Variants in ANKS3 observed in about 807,000 individuals in gnomAD.
ANKS3 encodes the protein ankyrin repeat and sterile alpha motif domain containing 3.
Under a neutral mutation model 80.7 loss-of-function variants are expected in ANKS3, and 62 were observed. The ratio of observed to expected loss-of-function variants is 0.77; its 90% CI spans 0.63 to 0.95. ANKS3 has a LOEUF of 0.95. ANKS3 is among the 40% of genes least tolerant of loss of function. ANKS3 has a pLI of 0.00. For synonymous variants in ANKS3, 489 were observed against 355.3 expected (o/e 1.38, Z -4.23); for missense variants, 1,150 against 883.6 (o/e 1.30, Z -3.82).
intron 6 of ANKS3, among the ~76,000 whole-genome samples, chr16:4,716,156 T>G (rs1212632511): frequency 6.6e-6 from 1 of 151,362 alleles, no homozygotes; most frequent in Non-Finnish European, 1.5e-5. Flanking sequence ...AGGAGTTCCA[T>G]ACCAGCCTGG....
chr16:4,697,314 C>T lies in ANKS3; in HGVS notation c.1894+19G>A. 2 of 1,588,396 alleles carry T rather than the reference C, an allele frequency of 1.3e-6. No homozygotes were observed. Among genetic ancestry groups the T allele is most frequent in the Non-Finnish European group, 1.7e-6 (2 of 1,164,710 alleles). ...GGAAACAAAAGGAGCGCTCAGTCGTCTGGTCCCCGGAGACTCACCCATCTC... is the reference window on the plus strand; with the variant it reads ...GGAAACAAAAGGAGCGCTCAGTCGTTTGGTCCCCGGAGACTCACCCATCTC... On this transcript the variant is annotated intron_variant, in intron 16 of 17. Transcript: ENST00000304283.
chr16:4,698,608 G>C lies in ANKS3; in HGVS notation c.1552-9C>G. The C allele has an allele frequency of 1.3e-6, 2 of 1,549,070 alleles. No individual in the cohort carries two copies. Among genetic ancestry groups the C allele is most frequent in the Admixed American group, 1.9e-5 (1 of 53,866 alleles). ...TCTACCTCCTCGCAGCGCTGCAGGG[G>C]GGTGGGGGGCGCGGGGAGGCTGGGA... On this transcript the variant is annotated splice_polypyrimidine_tract_variant and intron_variant, in intron 13 of 17. Transcript: ENST00000304283.
At chr16:4,710,333 A>G (rs1178411372) in intron 7 of ANKS3, among the ~76,000 whole-genome samples, 1 of 152,262 alleles carries the variant, frequency 6.6e-6, no homozygotes, top group Non-Finnish European at 1.5e-5. Flanking sequence ...TTTGATCATT[A>G]CACAGTGTAT....
At chr16:4,697,134 G>C (rs200743136) in intron 16 of ANKS3, 30 bp from the exon 17 acceptor site, 1 of 1,608,018 alleles carries the variant, frequency 6.2e-7, no homozygotes, top group Non-Finnish European at 8.5e-7. Context: ...AGCCTCTCCC[G>C]GCCAGGCTCA....
At chr16:4,709,331 G>A (rs1449245421) in intron 7 of ANKS3, among the ~76,000 whole-genome samples, 5 of 151,702 alleles carry the variant, frequency 3.3e-5, no homozygotes, top group Admixed American at 1.3e-4. Flanking sequence ...GCTTGAACCC[G>A]GGAGGTGGAG....
intron 6 of ANKS3, among the ~76,000 whole-genome samples, chr16:4,719,335 A>G (rs1004775216): frequency 1.3e-5 from 2 of 152,204 alleles, no homozygotes; most frequent in African/African-American, 2.4e-5. Context: ...TCTGTCTCAA[A>G]AAGAAACAAA....
chr16:4,701,490 C>CGCTGCT lies in ANKS3; in HGVS notation c.1057_1062dup (p.Ser353_Ser354dup). ...AGCCCCTGGGCTCTGGCCAGGCCCT[C>CGCTGCT]GCTGCTGCTGCTGCTCTGGACGGGC... On this transcript the variant is annotated inframe_insertion, in exon 10 of 18. Transcript: ENST00000304283. 1.2e-6 allele frequency: 2 copies of CGCTGCT among 1,612,044 alleles called. No individual in the cohort carries two copies.
Position 4,705,101 on chromosome 16 carries a change from G to A in ANKS3, c.862C>T (p.Arg288Cys), listed in dbSNP as rs375811771. 3.1e-6 allele frequency: 5 copies of A among 1,612,232 alleles called. No homozygotes were observed. Among genetic ancestry groups the A allele is most frequent in the Admixed American group, 3.3e-5 (2 of 59,958 alleles). Residue 288 changes from arginine to cysteine, a missense_variant, in exon 8 of 18, where the codon CGC (arginine) becomes TGC (cysteine). By Grantham distance (180) the Arg-to-Cys change is radical. Coordinates refer to ENST00000304283, the MANE Select transcript of ANKS3 (RefSeq NM_133450.4). ...GGAAACGCGGGCCACTCACCATAGC[G>A]AGGCCGTGGGGCTCTGCCGCCCAGG... is the stretch of plus-strand genomic sequence containing the variant. ...IGLGGRAPRP[R>C]YEQAPPRGYV...
intron 7 of ANKS3, among the ~76,000 whole-genome samples, chr16:4,710,850 G>T (rs113332370): frequency 0.017 from 2,628 of 152,292 alleles, 78 homozygotes; most frequent in African/African-American, 0.061. Context: ...CCAAGCTGGA[G>T]TGCAGTGGCG....
rs147502184 is a variant in ANKS3, at chr16:4,701,034, T to C, written c.1220A>G (p.Asp407Gly). The C allele has an allele frequency of 7.4e-4, 1,191 of 1,614,112 alleles. 9 individuals carry two copies. In the African/African-American group the frequency reaches 0.014, roughly 19 times the overall value. Residue 407 changes from aspartate (D) to glycine (G), a missense_variant, in exon 11 of 18, where the codon GAC (aspartate) becomes GGC (glycine). By Grantham distance (94) the Asp-to-Gly change is moderately conservative (BLOSUM62 -1). Transcript: ENST00000304283. ...DSQWPPRAAT[D>G]REGFLAESSP... is the part of the protein sequence containing the mutation. ...GGACTCAGCGAGAAAGCCTTCCCTG[T>C]CAGTTGCAGCGCGGGGAGGCCACTG...
At chr16:4,720,086 T>G (rs1280961963) in intron 6 of ANKS3, among the ~76,000 whole-genome samples, 4 of 137,294 alleles carry the variant, frequency 2.9e-5, no homozygotes, top group African/African-American at 8.3e-5. Flanking sequence ...TGCTTGAGCC[T>G]GGGAGTCAGA....
At chr16:4,713,366 C>G (rs1408753950) in intron 7 of ANKS3, among the ~76,000 whole-genome samples, 2 of 151,990 alleles carry the variant, frequency 1.3e-5, no homozygotes, top group Non-Finnish European at 1.5e-5. Context: ...GACTTATTCA[C>G]GTATCCAACC....
chr16:4,716,963 G>A (rs2080835996), intron 6 of ANKS3, among the ~76,000 whole-genome samples: 1 of 152,052 alleles, frequency 6.6e-6, no homozygotes, highest in Non-Finnish European at 1.5e-5. Flanking sequence ...TGGGCACGGT[G>A]GCTCAAGCCT....
intron 6 of ANKS3, among the ~76,000 whole-genome samples, chr16:4,720,760 C>G (rs925925478): frequency 6.7e-6 from 1 of 149,694 alleles, no homozygotes; most frequent in Admixed American, 6.7e-5. Context: ...ACCAACATGC[C>G]GAAACCCTGT....
intron 6 of ANKS3, among the ~76,000 whole-genome samples, chr16:4,720,034 C>T (rs1370563514): frequency 1.4e-5 from 2 of 148,102 alleles, no homozygotes; most frequent in African/African-American, 4.9e-5. Flanking sequence ...TGGTGGCACA[C>T]ACCTGGAATC....
Position 4,734,130 on chromosome 16 carries a change from TG to T in ANKS3, c.-264del. On this transcript the variant is annotated 5_prime_UTR_variant, in exon 1 of 18. Coordinates refer to ENST00000304283, the MANE Select transcript of ANKS3 (RefSeq NM_133450.4). Reference sequence around the variant, plus strand: ...GCGGGCTGCAGGTGCCGGCAAGTGCTGGGGCCGGGCCGCCGCGGAACCCACC... The same window carrying T: ...GCGGGCTGCAGGTGCCGGCAAGTGCTGGGCCGGGCCGCCGCGGAACCCACC... The T allele has an allele frequency of 1.4e-6, 1 of 711,412 alleles. No homozygotes were observed. The highest frequency in any genetic ancestry group is 1.7e-6 in the Non-Finnish European group (1 of 579,638). 44.1% of individuals were successfully genotyped at this position (711,412 alleles called of 1,614,324 possible). A position where few individuals can be genotyped will look rare whatever the true frequency, so the allele number is the denominator to read the frequency against.
chr16:4,707,218 C>T (rs1429587500), intron 7 of ANKS3, among the ~76,000 whole-genome samples: 3 of 151,838 alleles, frequency 2.0e-5, no homozygotes, highest in Non-Finnish European at 4.4e-5. Context: ...AGAGCCAGGG[C>T]TGCAATCCTG....
At position 4,696,621 on chromosome 16, in the gene ANKS3, TC is replaced by T. The variant is rs2079566901; in HGVS notation, c.*286del. 4.1e-6 allele frequency: 1 copy of T among 241,338 alleles called. No homozygotes were observed. Among genetic ancestry groups the T allele is most frequent in the Non-Finnish European group, 8.1e-6 (1 of 123,260 alleles). The allele number at this position is 241,338 out of a possible 1,614,324, so 14.9% of individuals were successfully genotyped here. On this transcript the variant is annotated 3_prime_UTR_variant, in exon 18 of 18. Transcript: ENST00000304283. Reference sequence around the variant, plus strand: ...CCTGTGCGTGTATATGGATACACTTTCCCCCCAGGGCCCTGCCTGGTATGGG... The same window carrying T: ...CCTGTGCGTGTATATGGATACACTTTCCCCCAGGGCCCTGCCTGGTATGGG...
rs1247955659 is a variant in ANKS3, at chr16:4,720,202, G to A, written c.573+4548C>T. Among the ~76,000 whole-genome samples, 13 of 140,240 alleles carry A rather than the reference G, an allele frequency of 9.3e-5. 1 individual carries two copies. Among genetic ancestry groups the A allele is most frequent in the African/African-American group, 2.4e-4 (9 of 37,602 alleles). 92.0% of individuals were successfully genotyped at this position (140,240 alleles called of 152,430 possible). A position where few individuals can be genotyped will look rare whatever the true frequency, so the allele number is the denominator to read the frequency against. On this transcript the variant is annotated intron_variant, in intron 6 of 17. Coordinates refer to ENST00000304283, the MANE Select transcript of ANKS3 (RefSeq NM_133450.4). The stretch of plus-strand genomic sequence containing the variant: ...AAAAAGGCCAGGCACGGTGGCTCAC[G>A]CCTGTAATCCCAGCACTTTGGAAGA...
Sources: gnomAD v4.1 joint callset for allele counts (sites outside exome capture counted in the v4.1 genomes callset) on GRCh38, gnomAD v4.1.1 for gene constraint, MANE v1.5 for transcripts, NCBI Gene and HGNC (gene_info 2026-07-23, HGNC 2026-07-21) for gene names.